PIK3C2G: variants seen among roughly 807,000 people sequenced by gnomAD.
PIK3C2G encodes the protein phosphatidylinositol-4-phosphate 3-kinase catalytic subunit type 2 gamma.
PIK3C2G carries 168 observed loss-of-function variants against 181.1 expected under a neutral mutation model. The ratio of observed to expected loss-of-function variants is 0.93; its 90% confidence interval spans 0.82 to 1.05. The LOEUF (loss-of-function observed/expected upper bound fraction) is 1.05. PIK3C2G is among the 50% of genes least tolerant of loss of function. The probability of loss-of-function intolerance (pLI) is 0.00; values close to 1 mark genes in which losing one functional copy is unlikely to be tolerated. For missense variants in PIK3C2G, 1,869 were observed against 1,732.8 expected (o/e 1.08, Z -1.40); for synonymous variants, 573 against 592.2 (o/e 0.97, Z 0.47).
At chr12:18,608,996 T>G (rs75633635) in intron 30 of PIK3C2G, among the ~76,000 whole-genome samples, 5,362 of 152,154 alleles carry the variant, frequency 0.035, 302 homozygotes, top group African/African-American at 0.12. Flanking sequence ...AAAAAGAGAT[T>G]AGTGCAAATT....
At chr12:18,698,335 C>G in the PIK3C2G span, among the ~76,000 whole-genome samples, 1 of 151,814 alleles carries the variant, frequency 6.6e-6, no homozygotes, top group Non-Finnish European at 1.5e-5. Context: ...CTATACTACT[C>G]TATTCTATTC....
chr12:18,395,084 CTTCT>C (rs1211076005), intron 15 of PIK3C2G, among the ~76,000 whole-genome samples: 35 of 141,576 alleles, frequency 2.5e-4, no homozygotes, highest in South Asian at 2.0e-3. Context: ...TCTTTCATTC[CTTCT>C]TTCTTTCTTT....
intron 22 of PIK3C2G, among the ~76,000 whole-genome samples, chr12:18,500,491 G>A (rs1323114438): frequency 6.6e-6 from 1 of 152,176 alleles, no homozygotes; most frequent in Non-Finnish European, 1.5e-5. Context: ...GCTCCACGGC[G>A]CCCAGTCCCA....
intron 30 of PIK3C2G, among the ~76,000 whole-genome samples, chr12:18,607,737 G>T (rs1948111437): frequency 6.6e-6 from 1 of 152,084 alleles, no homozygotes; most frequent in East Asian, 1.9e-4. Context: ...CACAGAAAAA[G>T]AAACTACCAT....
chr12:18,337,525 G>A (rs973154490), intron 8 of PIK3C2G, among the ~76,000 whole-genome samples: 1 of 152,168 alleles, frequency 6.6e-6, no homozygotes, highest in African/African-American at 2.4e-5. Flanking sequence ...TACAAGAAGT[G>A]TGGTGCCAGC....
At chr12:18,664,213 G>T in the PIK3C2G span, among the ~76,000 whole-genome samples, 1 of 152,166 alleles carries the variant, frequency 6.6e-6, no homozygotes, top group Non-Finnish European at 1.5e-5. Flanking sequence ...ACACAGTTTG[G>T]TGGTTCCTCA....
intron 8 of PIK3C2G, among the ~76,000 whole-genome samples, chr12:18,335,452 G>C (rs1023390267): frequency 1.3e-5 from 2 of 152,068 alleles, no homozygotes. Context: ...ATATGAACAT[G>C]TGGGGAGTGT....
chr12:18,681,696 C>T, the PIK3C2G span, among the ~76,000 whole-genome samples: 1 of 151,950 alleles, frequency 6.6e-6, no homozygotes, highest in Non-Finnish European at 1.5e-5. Context: ...AGTCCGTATT[C>T]CTAATATAGA....
At chr12:18,566,056 G>C (rs1020987186) in intron 28 of PIK3C2G, among the ~76,000 whole-genome samples, 3 of 151,694 alleles carry the variant, frequency 2.0e-5, no homozygotes, top group Non-Finnish European at 4.4e-5. Context: ...TAAGTCTTAG[G>C]GTCTGCAAGA....
At chr12:18,623,985 A>G (rs1180467739) in intron 31 of PIK3C2G, among the ~76,000 whole-genome samples, 1 of 151,798 alleles carries the variant, frequency 6.6e-6, no homozygotes, top group African/African-American at 2.4e-5. Context: ...GCAAACAAAG[A>G]TGATTTAACT....
chr12:18,526,305 C>T lies in PIK3C2G; in HGVS notation c.3324-11851C>T, dbSNP rs1042690559. On this transcript the variant is annotated intron_variant, in intron 24 of 32. Transcript: ENST00000538779. ...TTGAAATTAGGTGATTCTCATTGGTCTGTTATTCACAATTGCTTTCTCAGA... is the reference window on the plus strand; with the variant it reads ...TTGAAATTAGGTGATTCTCATTGGTTTGTTATTCACAATTGCTTTCTCAGA... Among the ~76,000 whole-genome samples, 7 of 152,230 alleles carry T rather than the reference C, an allele frequency of 4.6e-5. No individual in the cohort carries two copies. The East Asian group carries it at 1.4e-3, about 29-fold the overall frequency.
chr12:18,711,681 G>A, the PIK3C2G span, among the ~76,000 whole-genome samples: 1 of 151,840 alleles, frequency 6.6e-6, no homozygotes, highest in Non-Finnish European at 1.5e-5. Context: ...TGATGAGATG[G>A]GGAAGATCGT....
At chr12:18,725,607 A>C in the PIK3C2G span, among the ~76,000 whole-genome samples, 3 of 152,144 alleles carry the variant, frequency 2.0e-5, no homozygotes, top group East Asian at 5.8e-4. Context: ...TTTGTCTTCA[A>C]GACAAAACCC....
At chr12:18,708,231 A>G in the PIK3C2G span, among the ~76,000 whole-genome samples, 1 of 151,942 alleles carries the variant, frequency 6.6e-6, no homozygotes, top group Admixed American at 6.6e-5. Flanking sequence ...TGTACATTTG[A>G]GAGTTTTTTT....
chr12:18,721,748 A>G, the PIK3C2G span, among the ~76,000 whole-genome samples: 2 of 151,378 alleles, frequency 1.3e-5, no homozygotes, highest in Non-Finnish European at 2.9e-5. Context: ...TGAACTCATC[A>G]GTTCTGCTTA....
intron 29 of PIK3C2G, among the ~76,000 whole-genome samples, chr12:18,588,347 A>G (rs1029176667): frequency 5.9e-5 from 9 of 152,096 alleles, no homozygotes; most frequent in African/African-American, 2.2e-4. Context: ...CTTGCAAACT[A>G]TGCATCTGAC....
chr12:18,312,264 C>T (rs1252747456), intron 5 of PIK3C2G, among the ~76,000 whole-genome samples: 1 of 152,132 alleles, frequency 6.6e-6, no homozygotes, highest in African/African-American at 2.4e-5. Context: ...TCTGGCAATT[C>T]TAGGAAGAAG....
chr12:18,378,875 A>G (rs1942641881), intron 13 of PIK3C2G, among the ~76,000 whole-genome samples: 1 of 152,204 alleles, frequency 6.6e-6, no homozygotes, highest in Non-Finnish European at 1.5e-5. Context: ...CAGGTGCTGG[A>G]GAGGAAGTGG....
Position 18,647,969 on chromosome 12 carries a change from C to T in PIK3C2G, c.4402C>T (p.Leu1468Phe). ...ATTTGTGGGAGCAATTAACATCCGA[C>T]TCTGTAGTGTCCCACTCGATAAAGA... ...TVFVGAINIR[L>F]CSVPLDKEKW... is the part of the protein sequence containing the mutation. The change falls in exon 33 of 33, where the codon CTC becomes TTC. Residue 1468 changes from leucine to phenylalanine, a missense_variant. By Grantham distance (22) the Leu-to-Phe change is conservative (BLOSUM62 0). Transcript: ENST00000538779. 1 of 1,601,714 alleles carries T rather than the reference C, an allele frequency of 6.2e-7. No individual in the cohort carries two copies. Among genetic ancestry groups the T allele is most frequent in the East Asian group, 2.3e-5 (1 of 44,334 alleles).
Sources: gnomAD v4.1 joint callset for allele counts (sites outside exome capture counted in the v4.1 genomes callset) on GRCh38, gnomAD v4.1.1 for gene constraint, MANE v1.5 for transcripts, NCBI Gene and HGNC (gene_info 2026-07-23, HGNC 2026-07-21) for gene names.